The following VPS25 variants were observed in gnomAD, a reference collection of about 807,000 sequenced individuals.
VPS25 encodes the protein vacuolar protein sorting 25 homolog, also known as vacuolar protein-sorting-associated protein 25.
Under a neutral mutation model 30.3 loss-of-function variants are expected in VPS25, and 21 were observed. The ratio of observed to expected loss-of-function variants is 0.69; its 90% confidence interval spans 0.49 to 1.00. The LOEUF is 1.00. Ranked by LOEUF, VPS25 falls within the 50% of genes least tolerant of loss-of-function variation. VPS25 has a pLI of 0.00. For missense variants in VPS25, 156 were observed against 217.2 expected (o/e 0.72, Z 1.77); for synonymous variants, 101 against 88.1 (o/e 1.15, Z -0.82).
rs1172377479 is a variant in VPS25, at chr17:42,779,349, CTT to C, written c.*282_*283del. On this transcript the variant is annotated 3_prime_UTR_variant, in exon 6 of 6. Coordinates refer to ENST00000253794, the MANE Select transcript of VPS25 (RefSeq NM_032353.4). ...TGAGCCAGGGTCTGTAAACCTGACA[CTT>C]TATATGTGTTCACACATGTAAGTAC... is the stretch of plus-strand genomic sequence containing the variant. 5.2e-6 allele frequency: 2 copies of C among 387,888 alleles called. No homozygotes were observed. Among genetic ancestry groups the C allele is most frequent in the South Asian group, 2.3e-5 (1 of 42,694 alleles). The allele number at this position is 387,888 out of a possible 1,614,324, so 24.0% of individuals were successfully genotyped here.
Position 42,773,858 on chromosome 17 carries a change from TCAA to T in VPS25, c.184_186del (p.Asn62del), listed in dbSNP as rs1163921286. ...ATGGAAGCTCAGGAGAGCCCGCTCT[TCAA>T]CAACGTCAAGCTACAGCGTATCCTC... is the stretch of plus-strand genomic sequence containing the variant. On this transcript the variant is annotated inframe_deletion, in exon 2 of 6. Coordinates refer to ENST00000253794, the MANE Select transcript of VPS25 (RefSeq NM_032353.4). 7 of 1,613,454 alleles carry T rather than the reference TCAA, an allele frequency of 4.3e-6. No individual in the cohort carries two copies. Among genetic ancestry groups the T allele is most frequent in the Non-Finnish European group, 5.9e-6 (7 of 1,179,990 alleles).
At chr17:42,776,224 C>G in intron 4 of VPS25, 21 bp from the exon 5 acceptor site, 1 of 1,608,154 alleles carries the variant, frequency 6.2e-7, no homozygotes, top group Non-Finnish European at 8.5e-7. Flanking sequence ...CTAATTCACT[C>G]CTCATTTTCT....
Position 42,774,683 on chromosome 17 carries a change from G to C in VPS25, c.237G>C (p.Glu79Asp). Residue 79 changes from glutamate to aspartate, a missense_variant, in exon 3 of 6, where the codon GAG becomes GAC. Coordinates refer to ENST00000253794, the MANE Select transcript of VPS25 (RefSeq NM_032353.4). ...TGGAGTCGATCCAGATTGTATTAGA[G>C]GAACTGAGGAAGAAAGGTGGGTTCA... ...LPVESIQIVLEELRKKGNLEW... is the reference protein window; with the variant it reads ...LPVESIQIVLDELRKKGNLEW... 6.2e-7 allele frequency: 1 copy of C among 1,612,892 alleles called. No homozygotes were observed. The highest frequency in any genetic ancestry group is 8.5e-7 in the Non-Finnish European group (1 of 1,179,092).
chr17:42,774,854 TTTC>T (rs2054428077), intron 3 of VPS25, 155 bp downstream of exon 3: 1 of 582,324 alleles, frequency 1.7e-6, no homozygotes, highest in Non-Finnish European at 3.0e-6. Context: ...TCCCAAGTCC[TTTC>T]TTCTTTGTAC....
intron 5 of VPS25, among the ~76,000 whole-genome samples, chr17:42,777,148 G>A (rs1483697092): frequency 6.6e-6 from 1 of 152,216 alleles, no homozygotes; most frequent in Non-Finnish European, 1.5e-5. Flanking sequence ...GAGCCCAGGA[G>A]GTCAAGGCTG....
Position 42,776,661 on chromosome 17 carries a change from C to CTT in VPS25, c.418+342_418+343insTT, listed in dbSNP as rs1177773681. On this transcript the variant is annotated intron_variant, in intron 5 of 5. Coordinates refer to ENST00000253794, the MANE Select transcript of VPS25 (RefSeq NM_032353.4). ...AGAGGCGTGAGCCACTGTGCCCCGC[C>CTT]TGTTTTTTTTTTTTTTTTTTTGAGA... is the stretch of plus-strand genomic sequence containing the variant. 9.8e-5 allele frequency among the ~76,000 whole-genome samples: 14 copies of CTT among 142,170 alleles called. 2 individuals are homozygous for CTT. The highest frequency in any genetic ancestry group is 2.8e-4 in the Admixed American group (4 of 14,104). 93.3% of individuals were successfully genotyped at this position (142,170 alleles called of 152,430 possible).
rs2054428319 is a variant in VPS25, at chr17:42,774,930, T to C, written c.253+231T>C. ...GAGAAGTGGAAGAAGGATGAGTGCC[T>C]TGTAGATAATAATAGTAAAATAAAT... On this transcript the variant is annotated intron_variant, in intron 3 of 5. Transcript: ENST00000253794. 6.6e-6 allele frequency: 3 copies of C among 455,464 alleles called. No homozygotes were observed. In the South Asian group the frequency reaches 1.6e-4, roughly 25 times the overall value. 28.2% of individuals were successfully genotyped at this position (455,464 alleles called of 1,614,324 possible).
chr17:42,776,530 T>G (rs765790118), intron 5 of VPS25, among the ~76,000 whole-genome samples: 4 of 151,592 alleles, frequency 2.6e-5, no homozygotes, highest in Non-Finnish European at 5.9e-5. Flanking sequence ...GCCTGGCTAA[T>G]TTTTTGTATT....
Position 42,775,389 on chromosome 17 carries a change from G to A in VPS25, c.262G>A (p.Glu88Lys), listed in dbSNP as rs1459207989. Reference sequence around the variant, plus strand: ...AAGTATCTGTTTTACAGGGAACCTCGAGTGGTTGGATAAGAGCAAGTCCAG... The same window carrying A: ...AAGTATCTGTTTTACAGGGAACCTCAAGTGGTTGGATAAGAGCAAGTCCAG... ...LEELRKKGNLEWLDKSKSSFL... is the reference protein window; with the variant it reads ...LEELRKKGNLKWLDKSKSSFL... Residue 88 changes from glutamate (E) to lysine (K), a missense_variant, in exon 4 of 6, where the codon GAG becomes AAG. By Grantham distance (56) the Glu-to-Lys change is moderately conservative (BLOSUM62 1). Coordinates refer to ENST00000253794, the MANE Select transcript of VPS25 (RefSeq NM_032353.4). 5 of 1,613,918 alleles carry A rather than the reference G, an allele frequency of 3.1e-6. No homozygotes were observed. The highest frequency in any genetic ancestry group is 2.2e-5 in the East Asian group (1 of 44,880).
chr17:42,779,100 C>T lies in VPS25; in HGVS notation c.*31C>T, dbSNP rs2143968644. 1 of 1,589,544 alleles carries T rather than the reference C, an allele frequency of 6.3e-7. No individual in the cohort carries two copies. The highest frequency in any genetic ancestry group is 8.6e-7 in the Non-Finnish European group (1 of 1,162,052). On this transcript the variant is annotated 3_prime_UTR_variant, in exon 6 of 6. Coordinates refer to ENST00000253794, the MANE Select transcript of VPS25 (RefSeq NM_032353.4). ...ACCTGTCTCCCTTTACTTCTTACCT[C>T]CCACCTTTCCAGGGCTTTCAAAAGG...
intron 5 of VPS25, among the ~76,000 whole-genome samples, chr17:42,778,445 A>C (rs2054448016): frequency 6.6e-6 from 1 of 152,002 alleles, no homozygotes; most frequent in African/African-American, 2.4e-5. Context: ...TCAGCCTTCC[A>C]AAGTTCTGGG....
chr17:42,774,543 G>A, intron 2 of VPS25, 103 bp from the exon 3 acceptor site: 2 of 867,730 alleles, frequency 2.3e-6, no homozygotes, highest in East Asian at 2.5e-5. Context: ...ACACATATGT[G>A]TGTGGGAGAG....
chr17:42,775,531 G>A, intron 4 of VPS25, 62 bp downstream of exon 4: 1 of 1,391,766 alleles, frequency 7.2e-7, no homozygotes, highest in Non-Finnish European at 1.0e-6. Flanking sequence ...ACTATATTAG[G>A]GCCTAGCAGA....
intron 3 of VPS25, chr17:42,774,942 A>C (rs1228026178): frequency 4.7e-6 from 2 of 429,284 alleles, no homozygotes; most frequent in Non-Finnish European, 8.3e-6. Flanking sequence ...GTAGATAATA[A>C]TAGTAAAATA....
rs1427299528 is a variant in VPS25, at chr17:42,778,036, G to A, written c.419-921G>A. Among the ~76,000 whole-genome samples, 3 of 152,048 alleles carry A rather than the reference G, an allele frequency of 2.0e-5. No homozygotes were observed. In the East Asian group the frequency reaches 5.8e-4, roughly 29 times the overall value. On this transcript the variant is annotated intron_variant, in intron 5 of 5. Coordinates refer to ENST00000253794, the MANE Select transcript of VPS25 (RefSeq NM_032353.4). ...CCACTCAGGTTGGGCAAAGTTGTAG[G>A]TTTCCTCAGAAAGCAAGCTCCCTGA...
chr17:42,778,978 C>T lies in VPS25; in HGVS notation c.440C>T (p.Ala147Val). ...EDEEFHGLDE[A>V]TLLRALQALQ... ...TCAGAGTTCCACGGGCTGGATGAAG[C>T]CACTCTACTGCGGGCTCTGCAGGCC... Residue 147 changes from alanine (A) to valine (V), a missense_variant, in exon 6 of 6, where the codon GCC (alanine) becomes GTC (valine). Transcript: ENST00000253794. 1 of 1,614,084 alleles carries T rather than the reference C, an allele frequency of 6.2e-7. No individual in the cohort carries two copies. The highest frequency in any genetic ancestry group is 8.5e-7 in the Non-Finnish European group (1 of 1,179,956).
At chr17:42,774,357 A>T (rs2054425106) in intron 2 of VPS25, 1 of 344,730 alleles carries the variant, frequency 2.9e-6, no homozygotes, top group Non-Finnish European at 5.1e-6. Flanking sequence ...TTCATTTTCT[A>T]AAGCTTCTTT....
rs916588757 is a variant in VPS25 at position 42,774,175 on chromosome 17, T to G, written c.199+297T>G. 1.9e-5 allele frequency: 6 copies of G among 308,648 alleles called. No individual in the cohort carries two copies. The Admixed American group carries it at 2.8e-4, about 15-fold the overall frequency. 19.1% of individuals were successfully genotyped at this position (308,648 alleles called of 1,614,324 possible). A position where few individuals can be genotyped will look rare whatever the true frequency, so the allele number is the denominator to read the frequency against. Reference sequence around the variant, plus strand: ...CCCTTTTGACTATTTGTATCTTCCATCCTTTTCTGTGTGAGGCCCAGACTT... The same window carrying G: ...CCCTTTTGACTATTTGTATCTTCCAGCCTTTTCTGTGTGAGGCCCAGACTT... On this transcript the variant is annotated intron_variant, in intron 2 of 5. Coordinates refer to ENST00000253794, the MANE Select transcript of VPS25 (RefSeq NM_032353.4).
intron 2 of VPS25, among the ~76,000 whole-genome samples, 158 bp from the exon 3 acceptor site, chr17:42,774,485 CCTT>C (rs1445042768): frequency 6.6e-6 from 1 of 151,064 alleles, no homozygotes; most frequent in East Asian, 1.9e-4. Flanking sequence ...TTACCTTCCT[CCTT>C]TGAATATCCA....
Sources: gnomAD v4.1 joint callset for allele counts (sites outside exome capture counted in the v4.1 genomes callset) on GRCh38, gnomAD v4.1.1 for gene constraint, MANE v1.5 for transcripts, NCBI Gene and HGNC (gene_info 2026-07-23, HGNC 2026-07-21) for gene names.